TRPM7: variants seen among roughly 807,000 people sequenced by gnomAD.
The protein encoded by TRPM7 is LTRPC ion channel family member 7.
A neutral mutation model predicts 229.7 loss-of-function variants in TRPM7; 134 were observed. The observed-to-expected ratio is 0.58, with a 90% confidence interval of 0.51 to 0.67. The LOEUF (loss-of-function observed/expected upper bound fraction) is 0.67. Ranked by LOEUF, TRPM7 falls within the 30% of genes least tolerant of loss-of-function variation. The probability of loss-of-function intolerance (pLI) is 0.00; values close to 1 mark genes in which losing one functional copy is unlikely to be tolerated. For synonymous variants in TRPM7, 699 were observed against 715.2 expected (o/e 0.98, Z 0.36); for missense variants, 1,901 against 2,210.0 (o/e 0.86, Z 2.80).
In TRPM7 at chr15:50,686,686, C is replaced by A. The variant is rs1426552070; in HGVS notation, c.-153G>T. 7 of 976,434 alleles carry A rather than the reference C, an allele frequency of 7.2e-6. No homozygotes were observed. Among genetic ancestry groups the A allele is most frequent in the South Asian group, 1.7e-5 (1 of 58,874 alleles). The allele number at this position is 976,434 out of a possible 1,614,324, so 60.5% of individuals were successfully genotyped here. ...AAACCTTCTCAGAACTAACTCAGCT[C>A]CGGCGCTAGCAGCAGAAGCCGAGTC... On this transcript the variant is annotated 5_prime_UTR_variant, in exon 1 of 39. Coordinates refer to ENST00000646667, the MANE Select transcript of TRPM7 (RefSeq NM_017672.6).
At position 50,643,826 on chromosome 15, in the gene TRPM7, T is replaced by C. The variant is rs149389943; in HGVS notation, c.322-273A>G. Among the ~76,000 whole-genome samples, 7 of 152,310 alleles carry C rather than the reference T, an allele frequency of 4.6e-5. No individual in the cohort carries two copies. The East Asian group carries it at 1.2e-3, about 25-fold the overall frequency. On this transcript the variant is annotated intron_variant, in intron 4 of 38. Transcript: ENST00000646667. ...TCTTTCTGTTTAAACTCAATTACCA[T>C]TGACCCAATTTACCCAAGTACCTGC...
In TRPM7 at chr15:50,558,072, T is replaced by C. The variant is rs1321243662; in HGVS notation, c.*3606A>G. On this transcript the variant is annotated 3_prime_UTR_variant, in exon 39 of 39. Transcript: ENST00000646667. ...ATCATAGGGTAGTAATAATGAACTT[T>C]AATAATCTTAAAAAAATACTTATTG... 6.6e-6 allele frequency: 1 copy of C among 152,224 alleles called. No homozygotes were observed. The highest frequency in any genetic ancestry group is 2.4e-5 in the African/African-American group (1 of 41,448). The allele number at this position is 152,224 out of a possible 1,614,324, so 9.4% of individuals were successfully genotyped here. A position where few individuals can be genotyped will look rare whatever the true frequency, so the allele number is the denominator to read the frequency against.
At chr15:50,625,236 T>C (rs1325614399) in intron 11 of TRPM7, among the ~76,000 whole-genome samples, 2 of 152,224 alleles carry the variant, frequency 1.3e-5, no homozygotes, top group Non-Finnish European at 2.9e-5. Context: ...AACATCTCTG[T>C]GGCAAAAATC....
At chr15:50,615,935 C>T (rs1448206771) in intron 13 of TRPM7, among the ~76,000 whole-genome samples, 1 of 152,126 alleles carries the variant, frequency 6.6e-6, no homozygotes, top group African/African-American at 2.4e-5. Flanking sequence ...TGTGAAATTT[C>T]TAATTTCTAG....
chr15:50,657,130 C>T (rs767443692), intron 3 of TRPM7, among the ~76,000 whole-genome samples: 3 of 152,082 alleles, frequency 2.0e-5, no homozygotes, highest in Non-Finnish European at 4.4e-5. Context: ...TCAAGACCAG[C>T]CTGGCCAACA....
chr15:50,596,239 T>C lies in TRPM7; in HGVS notation c.3290+16A>G. 2.7e-6 allele frequency: 4 copies of C among 1,460,358 alleles called. No homozygotes were observed. Among genetic ancestry groups the C allele is most frequent in the Non-Finnish European group, 3.7e-6 (4 of 1,086,636 alleles). 90.5% of individuals were successfully genotyped at this position (1,460,358 alleles called of 1,614,324 possible). A position where few individuals can be genotyped will look rare whatever the true frequency, so the allele number is the denominator to read the frequency against. On this transcript the variant is annotated intron_variant, in intron 23 of 38. Coordinates refer to ENST00000646667, the MANE Select transcript of TRPM7 (RefSeq NM_017672.6). ...ATTAAATCATCTTATAACAAACAAT[T>C]GAACAAAATTCTTACTTGAAAAATG...
intron 23 of TRPM7, among the ~76,000 whole-genome samples, chr15:50,595,933 T>C (rs1022599494): frequency 6.6e-6 from 1 of 152,074 alleles, no homozygotes; most frequent in African/African-American, 2.4e-5. Context: ...AAAAAAATGA[T>C]AGAAAGGTGT....
In TRPM7 at chr15:50,592,293, A is replaced by G. The variant is rs752348178; in HGVS notation, c.3942T>C (p.His1314=). 105 of 1,613,812 alleles carry G rather than the reference A, an allele frequency of 6.5e-5. No individual in the cohort carries two copies. The highest frequency in any genetic ancestry group is 8.6e-5 in the Non-Finnish European group (101 of 1,179,962). The change falls in exon 26 of 39, where the codon CAT becomes CAC. Residue 1314 remains histidine, a synonymous_variant. Coordinates refer to ENST00000646667, the MANE Select transcript of TRPM7 (RefSeq NM_017672.6). ...QGDLESNNPF[H]CNILMKDDKD... is the part of the protein sequence containing the mutation. ...TGTCATCTTTCATTAAAATATTACA[A>G]TGAAAAGGATTATTACTTTCAAGAT... is the stretch of plus-strand genomic sequence containing the variant.
intron 21 of TRPM7, among the ~76,000 whole-genome samples, chr15:50,603,462 C>G (rs773188520): frequency 6.6e-6 from 1 of 151,796 alleles, no homozygotes; most frequent in Non-Finnish European, 1.5e-5. Context: ...CCCTGCCCCC[C>G]ACCCCATGAC....
intron 22 of TRPM7, among the ~76,000 whole-genome samples, chr15:50,598,570 C>T (rs1409680979): frequency 6.6e-6 from 1 of 152,166 alleles, no homozygotes; most frequent in South Asian, 2.1e-4. Flanking sequence ...GAATGATCTA[C>T]GCTAATCATG....
rs1324815598 is a variant in TRPM7 at position 50,558,220 on chromosome 15, T to C, written c.*3458A>G. 2 of 152,182 alleles carry C rather than the reference T, an allele frequency of 1.3e-5. No homozygotes were observed. Among genetic ancestry groups the C allele is most frequent in the Non-Finnish European group, 1.5e-5 (1 of 68,038 alleles). The allele number at this position is 152,182 out of a possible 1,614,324, so 9.4% of individuals were successfully genotyped here. ...GTACAGAAACCACCAATGGTCATCA[T>C]GCTTGAGAGTCAATACAGCACATAA... On this transcript the variant is annotated 3_prime_UTR_variant, in exon 39 of 39. Transcript: ENST00000646667.
chr15:50,612,789 T>C lies in TRPM7; in HGVS notation c.1811A>G (p.Lys604Arg), dbSNP rs752693563. The C allele has an allele frequency of 1.9e-6, 3 of 1,613,850 alleles. No individual in the cohort carries two copies. In the South Asian group the frequency reaches 3.3e-5, roughly 18 times the overall value. ...ATCATCAATGTCTACAATTTCATCT[T>C]TGGTTCTTTTCTTCTTTCCTTCTTC... ...VMEEGKKKRT[K>R]DEIVDIDDPE... Residue 604 changes from lysine (K) to arginine (R), a missense_variant, in exon 16 of 39, where the codon AAA (lysine) becomes AGA (arginine). Around this residue, in one of 8 missense-constraint regions of TRPM7, gnomAD observed 794 missense variants for 881.9 expected, o/e 0.90. Coordinates refer to ENST00000646667, the MANE Select transcript of TRPM7 (RefSeq NM_017672.6).
At chr15:50,591,265 A>G (rs768833600) in intron 26 of TRPM7, among the ~76,000 whole-genome samples, 48 of 152,158 alleles carry the variant, frequency 3.2e-4, no homozygotes. Flanking sequence ...TAAAAAAATT[A>G]TATGGTCATC....
chr15:50,592,063 A>G lies in TRPM7; in HGVS notation c.4172T>C (p.Ile1391Thr). 1 of 1,613,206 alleles carries G rather than the reference A, an allele frequency of 6.2e-7. No homozygotes were observed. Among genetic ancestry groups the G allele is most frequent in the Non-Finnish European group, 8.5e-7 (1 of 1,179,762 alleles). Reference protein sequence around the residue: ...NQKLGSSSTSIPHLSSPPTKF... With the variant: ...NQKLGSSSTSTPHLSSPPTKF... ...GGTTGGTGGGGATGACAGATGTGGT[A>G]TGCTAGTAGATGAACTGCCTAATTT... The change falls in exon 26 of 39, where the codon ATA becomes ACA. Residue 1391 changes from isoleucine to threonine, a missense_variant. Ile to Thr is a moderately conservative substitution (Grantham distance 89). This residue lies in a region of TRPM7 where 533 missense variants were observed against 497.1 expected (regional missense o/e 1.07). Transcript: ENST00000646667.
At chr15:50,580,744 A>G in intron 30 of TRPM7, 130 bp downstream of exon 30, 1 of 718,274 alleles carries the variant, frequency 1.4e-6, no homozygotes, top group South Asian at 2.7e-5. Flanking sequence ...ATGTGAAGAG[A>G]GGAGATGCTA....
rs775338726 is a variant in TRPM7 at position 50,632,890 on chromosome 15, C to CTCCA, written c.1106_1109dup (p.Glu370AspfsTer19). On this transcript the variant is annotated frameshift_variant, in exon 9 of 39. Coordinates refer to ENST00000646667, the MANE Select transcript of TRPM7 (RefSeq NM_017672.6). LOFTEE classifies it high-confidence loss of function. Reference sequence around the variant, plus strand: ...TTACAAGCTCCTTTCTTTTCATGCACTCCATCAGTGTTTGAAATAAATGAA... The same window carrying CTCCA: ...TTACAAGCTCCTTTCTTTTCATGCACTCCATCCATCAGTGTTTGAAATAAATGAA... 6 of 1,575,488 alleles carry CTCCA rather than the reference C, an allele frequency of 3.8e-6. No homozygotes were observed. The highest frequency in any genetic ancestry group is 5.1e-6 in the Non-Finnish European group (6 of 1,165,174).
chr15:50,681,304 A>C (rs1372983191), intron 1 of TRPM7, among the ~76,000 whole-genome samples: 1 of 136,352 alleles, frequency 7.3e-6, no homozygotes, highest in East Asian at 1.9e-4. Flanking sequence ...AAGCATTCAG[A>C]GCAATGGCCA....
rs1430222400 is a variant in TRPM7, at chr15:50,557,747, A to C, written c.*3931T>G. 6.6e-6 allele frequency: 1 copy of C among 152,232 alleles called. No individual in the cohort carries two copies. The highest frequency in any genetic ancestry group is 2.4e-5 in the African/African-American group (1 of 41,450). The allele number at this position is 152,232 out of a possible 1,614,324, so 9.4% of individuals were successfully genotyped here. On this transcript the variant is annotated 3_prime_UTR_variant, in exon 39 of 39. Coordinates refer to ENST00000646667, the MANE Select transcript of TRPM7 (RefSeq NM_017672.6). ...CAACCTCCACCTCTTGGGTTCAAGC[A>C]ATTCTCCTGCCTCAGCCTCCTGAGT...
intron 9 of TRPM7, among the ~76,000 whole-genome samples, chr15:50,632,490 A>G (rs937773801): frequency 6.6e-6 from 1 of 152,210 alleles, no homozygotes; most frequent in Non-Finnish European, 1.5e-5. Flanking sequence ...GAAACAAAGC[A>G]GCACTGATCT....
Sources: allele counts gnomAD v4.1 joint callset (sites outside exome capture counted in the v4.1 genomes callset), GRCh38; gene constraint gnomAD v4.1.1; regional missense constraint gnomAD v4.1.1; transcripts MANE v1.5; gene names NCBI Gene and HGNC (gene_info 2026-07-23, HGNC 2026-07-21).